Variants in GRM5 observed in about 807,000 individuals in gnomAD.
The protein encoded by GRM5 is metabotropic glutamate receptor 5.
GRM5 carries 19 observed loss-of-function variants against 83.1 expected under a neutral mutation model. The observed-to-expected ratio is 0.23, with a 90% CI of 0.16 to 0.34. The LOEUF is 0.34. GRM5 is among the 10% of genes least tolerant of loss of function. The pLI is 1.00. For synonymous variants in GRM5, 675 were observed against 633.6 expected, an observed-to-expected ratio of 1.07 and a Z score of -0.98; for missense variants, 1,160 against 1,588.3, an observed-to-expected ratio of 0.73 and a Z score of 4.58.
At chr11:88,692,924 C>G (rs945328272) in intron 3 of GRM5, among the ~76,000 whole-genome samples, 14 of 152,236 alleles carry the variant, frequency 9.2e-5, no homozygotes, top group African/African-American at 3.1e-4. Flanking sequence ...CTAATGGGAA[C>G]AGTTAACTGG....
At position 88,626,542 on chromosome 11, in the gene GRM5, G is replaced by A. The variant is rs147264741; in HGVS notation, c.1148-21578C>T. 2.6e-5 allele frequency among the ~76,000 whole-genome samples: 4 copies of A among 152,180 alleles called. No homozygotes were observed. In the East Asian group the frequency reaches 7.7e-4, roughly 29 times the overall value. On this transcript the variant is annotated intron_variant, in intron 4 of 9. Transcript: ENST00000305447. ...CGGAAGTGTTGTGATTCTTGGCTCT[G>A]TGAAATTGCTAGGAAAAAAGTGCAG...
intron 2 of GRM5, among the ~76,000 whole-genome samples, chr11:89,015,872 T>A (rs867744003): frequency 6.6e-6 from 1 of 152,276 alleles, no homozygotes; most frequent in African/African-American, 2.4e-5. Flanking sequence ...TAGCTAACAA[T>A]GTGAGTTAGG....
At chr11:88,609,238 C>G (rs902299113) in intron 4 of GRM5, among the ~76,000 whole-genome samples, 1 of 152,110 alleles carries the variant, frequency 6.6e-6, no homozygotes, top group African/African-American at 2.4e-5. Context: ...TAAATGAGAA[C>G]ATGTAGTTTT....
chr11:88,861,171 A>G (rs1944555636), intron 2 of GRM5, among the ~76,000 whole-genome samples: 1 of 152,260 alleles, frequency 6.6e-6, no homozygotes, highest in Non-Finnish European at 1.5e-5. Context: ...TTTAGATCCT[A>G]TACATTTCAG....
chr11:88,973,157 G>A (rs1278885218), intron 2 of GRM5, among the ~76,000 whole-genome samples: 1 of 152,082 alleles, frequency 6.6e-6, no homozygotes, highest in Admixed American at 6.6e-5. Flanking sequence ...TGGGGTCTGT[G>A]GACCAGAAAA....
intron 1 of GRM5, among the ~76,000 whole-genome samples, chr11:89,051,951 T>C (rs557685631): frequency 2.0e-5 from 3 of 152,198 alleles, no homozygotes; most frequent in Admixed American, 6.5e-5. Context: ...ATTTTCCAAG[T>C]TGAATCAACT....
At chr11:88,754,568 A>C (rs1189143647) in intron 3 of GRM5, among the ~76,000 whole-genome samples, 1 of 152,198 alleles carries the variant, frequency 6.6e-6, no homozygotes, top group Non-Finnish European at 1.5e-5. Flanking sequence ...AGGCACTTGA[A>C]TATACATCTG....
At chr11:88,984,105 T>C (rs1356093714) in intron 2 of GRM5, among the ~76,000 whole-genome samples, 2 of 151,992 alleles carry the variant, frequency 1.3e-5, no homozygotes, top group African/African-American at 4.8e-5. Flanking sequence ...TGTAAAAAGG[T>C]GTCTTAATAA....
chr11:89,053,044 G>C (rs893336079), intron 1 of GRM5, among the ~76,000 whole-genome samples: 1 of 152,038 alleles, frequency 6.6e-6, no homozygotes, highest in Non-Finnish European at 1.5e-5. Flanking sequence ...CCAAAAAAAT[G>C]AAAGATACTA....
chr11:88,869,597 C>T (rs1371008256), intron 2 of GRM5, among the ~76,000 whole-genome samples: 1 of 151,410 alleles, frequency 6.6e-6, no homozygotes, highest in African/African-American at 2.4e-5. Context: ...ATTTATAACT[C>T]TTCAACCCCC....
chr11:88,648,445 T>A (rs1326287556), intron 4 of GRM5, among the ~76,000 whole-genome samples: 1 of 124,220 alleles, frequency 8.1e-6, no homozygotes, highest in African/African-American at 3.1e-5. Flanking sequence ...TAGGTGGGAA[T>A]TGAACAATGA....
chr11:89,029,276 G>A (rs1941204292), intron 2 of GRM5, among the ~76,000 whole-genome samples: 1 of 152,136 alleles, frequency 6.6e-6, no homozygotes, highest in South Asian at 2.1e-4. Flanking sequence ...TTATCTGGTA[G>A]AAACACTGTT....
intron 3 of GRM5, among the ~76,000 whole-genome samples, chr11:88,702,851 G>A (rs998743160): frequency 6.6e-6 from 1 of 152,060 alleles, no homozygotes; most frequent in Non-Finnish European, 1.5e-5. Context: ...GCAGCTTGAG[G>A]TCAACCATCT....
intron 3 of GRM5, among the ~76,000 whole-genome samples, chr11:88,839,976 G>GT (rs1193165671): frequency 6.6e-6 from 1 of 152,042 alleles, no homozygotes; most frequent in Non-Finnish European, 1.5e-5. Context: ...CATCATAAAG[G>GT]TTTTCATCCT....
chr11:88,708,113 C>T (rs544780808), intron 3 of GRM5, among the ~76,000 whole-genome samples: 77 of 152,082 alleles, frequency 5.1e-4, no homozygotes, highest in African/African-American at 1.8e-3. Context: ...AGCAAAATTG[C>T]CATTTAGCTT....
At chr11:88,813,335 G>A (rs150958847) in intron 3 of GRM5, among the ~76,000 whole-genome samples, 181 of 151,878 alleles carry the variant, frequency 1.2e-3, no homozygotes, top group Non-Finnish European at 2.2e-3. Context: ...ACAAAGGGGA[G>A]CACCCCAGGC....
intron 3 of GRM5, among the ~76,000 whole-genome samples, chr11:88,654,189 T>C (rs747507827): frequency 2.0e-5 from 3 of 152,086 alleles, no homozygotes; most frequent in Non-Finnish European, 4.4e-5. Flanking sequence ...AATTTTAAGA[T>C]AAAAGTTTTT....
intron 2 of GRM5, among the ~76,000 whole-genome samples, chr11:88,940,784 G>GA (rs1268670853): frequency 6.6e-6 from 1 of 151,696 alleles, no homozygotes; most frequent in South Asian, 2.1e-4. Flanking sequence ...TGAGTATATT[G>GA]AAAAAAAGTG....
chr11:88,568,399 T>C (rs1056054105), intron 7 of GRM5, among the ~76,000 whole-genome samples: 1 of 151,770 alleles, frequency 6.6e-6, no homozygotes, highest in Non-Finnish European at 1.5e-5. Context: ...TTTGATGGAG[T>C]TGGGGATTTC....
Sources: gnomAD v4.1 joint callset for allele counts (sites outside exome capture counted in the v4.1 genomes callset) on GRCh38, gnomAD v4.1.1 for gene constraint, MANE v1.5 for transcripts, NCBI Gene and HGNC (gene_info 2026-07-23, HGNC 2026-07-21) for gene names.